The following FRMPD1 variants were observed in gnomAD, a reference collection of about 807,000 sequenced individuals.
FRMPD1 encodes FERM and PDZ domain containing 1, also known as FERM and PDZ domain-containing protein 1.
A neutral mutation model predicts 117.8 loss-of-function variants in FRMPD1; 76 were observed. That is an observed-to-expected ratio of 0.65 (90% CI 0.54 to 0.78). The LOEUF is 0.78. Among genes scored for constraint, FRMPD1 ranks in the 30% least tolerant of loss-of-function variants. The pLI, the probability that FRMPD1 is intolerant of heterozygous loss-of-function variation, is 0.00. For synonymous variants in FRMPD1, 783 were observed against 770.4 expected (o/e 1.02, Z -0.27); for missense variants, 1,786 against 1,964.5 (o/e 0.91, Z 1.72).
chr9:37,649,556 T>C (rs1409803578), upstream of FRMPD1, among the ~76,000 whole-genome samples: 2 of 152,186 alleles, frequency 1.3e-5, no homozygotes, highest in Non-Finnish European at 2.9e-5. Flanking sequence ...AGTTTCTGGA[T>C]GGACTCCTGG....
intron 7 of FRMPD1, among the ~76,000 whole-genome samples, chr9:37,728,656 G>T (rs1823720731): frequency 6.6e-6 from 1 of 152,066 alleles, no homozygotes; most frequent in African/African-American, 2.4e-5. Flanking sequence ...GAAGTGACTG[G>T]GGTTCAAAAG....
intron 2 of FRMPD1, among the ~76,000 whole-genome samples, chr9:37,698,335 G>A (rs983719794): frequency 1.3e-5 from 2 of 152,040 alleles, no homozygotes; most frequent in African/African-American, 4.8e-5. Flanking sequence ...TTAGTAAGTA[G>A]TCATTCATAT....
the FRMPD1 span, among the ~76,000 whole-genome samples, chr9:37,631,960 T>A: frequency 8.6e-3 from 1,311 of 152,314 alleles, 18 homozygotes; most frequent in African/African-American, 0.03. Context: ...TTTAATGATT[T>A]TTTTCCTGAT....
At chr9:37,693,931 T>A (rs1200208393) in intron 2 of FRMPD1, among the ~76,000 whole-genome samples, 1 of 152,128 alleles carries the variant, frequency 6.6e-6, no homozygotes, top group Non-Finnish European at 1.5e-5. Flanking sequence ...AATTTCTCCA[T>A]AGGACCCCGT....
At chr9:37,735,256 G>A (rs890527932) in intron 12 of FRMPD1, among the ~76,000 whole-genome samples, 1 of 152,200 alleles carries the variant, frequency 6.6e-6, no homozygotes, top group African/African-American at 2.4e-5. Flanking sequence ...GATTTAAATG[G>A]GAAATGATGG....
At chr9:37,637,053 C>G in the FRMPD1 span, 2 of 1,540,152 alleles carry the variant, frequency 1.3e-6, no homozygotes, top group Non-Finnish European at 1.8e-6. Flanking sequence ...AAGCCATGAG[C>G]CCCCCGGTAG....
intron 9 of FRMPD1, 111 bp from the exon 10 acceptor site, chr9:37,732,193 G>A (rs1823913863): frequency 1.8e-6 from 2 of 1,117,194 alleles, no homozygotes; most frequent in Admixed American, 4.1e-5. Context: ...AGAACTGTCA[G>A]AGCCAGCTCT....
At chr9:37,624,166 G>A in the FRMPD1 span, among the ~76,000 whole-genome samples, 1 of 152,194 alleles carries the variant, frequency 6.6e-6, no homozygotes, top group Non-Finnish European at 1.5e-5. Flanking sequence ...GAGCCATAGA[G>A]CAAGGGCCAC....
At chr9:37,627,874 G>C in the FRMPD1 span, among the ~76,000 whole-genome samples, 1 of 152,156 alleles carries the variant, frequency 6.6e-6, no homozygotes, top group Non-Finnish European at 1.5e-5. Context: ...TGGGGAAAAT[G>C]AGAGGTCCTT....
At chr9:37,650,897 G>C (rs1588898661), upstream of FRMPD1, 1 of 148,472 alleles carries the variant, frequency 6.7e-6, no homozygotes, top group African/African-American at 2.4e-5. Flanking sequence ...GCCGCCGCCA[G>C]ACGGCGCGGG....
chr9:37,746,687 A>C lies in FRMPD1; in HGVS notation c.4655A>C (p.Lys1552Thr). The change falls in exon 16 of 16, where the codon AAA becomes ACA. Residue 1552 changes from lysine (K) to threonine (T), a missense_variant. Lys to Thr is a moderately conservative substitution (Grantham distance 78). Transcript: ENST00000377765. ...CERGYHDLSV[K>T]LLARQCTALT... ...AGAGGCTACCACGACCTGAGTGTGAAACTCCTGGCCCGTCAGTGCACGGCC... is the reference window on the plus strand; with the variant it reads ...AGAGGCTACCACGACCTGAGTGTGACACTCCTGGCCCGTCAGTGCACGGCC... The C allele has an allele frequency of 6.2e-7, 1 of 1,614,080 alleles. No individual in the cohort carries two copies. Among genetic ancestry groups the C allele is most frequent in the African/African-American group, 1.3e-5 (1 of 75,050 alleles).
At chr9:37,611,111 CA>C in the FRMPD1 span, among the ~76,000 whole-genome samples, 1 of 152,136 alleles carries the variant, frequency 6.6e-6, no homozygotes, top group Non-Finnish European at 1.5e-5. Context: ...GATACTGGGC[CA>C]AAGGGTATGT....
intron 1 of FRMPD1, among the ~76,000 whole-genome samples, chr9:37,661,050 C>G (rs1275820117): frequency 6.6e-6 from 1 of 152,168 alleles, no homozygotes; most frequent in Non-Finnish European, 1.5e-5. Context: ...GCTATATCAG[C>G]CAAGTTAGTA....
Position 37,746,095 on chromosome 9 carries a change from G to A in FRMPD1, c.4063G>A (p.Asp1355Asn). ...CCCGCAGCCTGAGACAGAGGAAGAAGACAGGGACTTGGAAGCACACCCCAT... is the reference window on the plus strand; with the variant it reads ...CCCGCAGCCTGAGACAGAGGAAGAAAACAGGGACTTGGAAGCACACCCCAT... ...RGPQPETEEE[D>N]RDLEAHPMAP... The change falls in exon 16 of 16, where the codon GAC (aspartate) becomes AAC (asparagine). Residue 1355 changes from aspartate to asparagine, a missense_variant. Physicochemically the swap from Asp to Asn is conservative, Grantham distance 23. Coordinates refer to ENST00000377765, the MANE Select transcript of FRMPD1 (RefSeq NM_014907.3). The A allele has an allele frequency of 6.2e-7, 1 of 1,614,236 alleles. No homozygotes were observed. Among genetic ancestry groups the A allele is most frequent in the Non-Finnish European group, 8.5e-7 (1 of 1,180,044 alleles).
intron 15 of FRMPD1, among the ~76,000 whole-genome samples, chr9:37,742,835 G>A (rs1048776077): frequency 6.6e-6 from 1 of 152,070 alleles, no homozygotes; most frequent in African/African-American, 2.4e-5. Flanking sequence ...GGAGGCAGAG[G>A]CTGCAGTGAG....
At chr9:37,657,153 G>T (rs1349495502) in intron 1 of FRMPD1, among the ~76,000 whole-genome samples, 1 of 152,224 alleles carries the variant, frequency 6.6e-6, no homozygotes, top group Non-Finnish European at 1.5e-5. Context: ...GAAGACAGAT[G>T]TGCAGGCAGC....
the FRMPD1 span, among the ~76,000 whole-genome samples, chr9:37,625,461 T>C: frequency 6.6e-6 from 1 of 152,142 alleles, no homozygotes; most frequent in Non-Finnish European, 1.5e-5. Flanking sequence ...TATTGCTTAC[T>C]TCCTCAAGCA....
At chr9:37,685,442 G>A (rs1476318714) in intron 1 of FRMPD1, among the ~76,000 whole-genome samples, 3 of 151,678 alleles carry the variant, frequency 2.0e-5, no homozygotes, top group Non-Finnish European at 4.4e-5. Context: ...AGGAGATCGA[G>A]ACTATCCTGG....
At chr9:37,730,954 G>A in intron 8 of FRMPD1, 30 bp from the exon 9 acceptor site, 2 of 1,612,534 alleles carry the variant, frequency 1.2e-6, no homozygotes, top group Non-Finnish European at 1.7e-6. Context: ...GCAGTTAGGA[G>A]ATTAATAGTA....
Sources: allele counts gnomAD v4.1 joint callset (sites outside exome capture counted in the v4.1 genomes callset), GRCh38; gene constraint gnomAD v4.1.1; transcripts MANE v1.5; gene names NCBI Gene and HGNC (gene_info 2026-07-23, HGNC 2026-07-21).